Variants in COL4A2 observed in about 807,000 individuals in gnomAD.
The protein encoded by COL4A2 is collagen type IV alpha 2 chain.
In COL4A2, 99 loss-of-function variants were observed where a neutral mutation model predicts 200.2. That is an observed-to-expected ratio of 0.49 (90% CI 0.42 to 0.58). The LOEUF (loss-of-function observed/expected upper bound fraction) is 0.58. Among genes scored for constraint, COL4A2 ranks in the 20% least tolerant of loss-of-function variants. The probability of loss-of-function intolerance (pLI) is 0.00; values close to 1 mark genes in which losing one functional copy is unlikely to be tolerated. For synonymous variants in COL4A2, 897 were observed against 900.6 expected (o/e 1.00, Z 0.07); for missense variants, 1,950 against 2,314.1 (o/e 0.84, Z 3.23).
At chr13:110,389,488 C>G (rs1438656921) in intron 4 of COL4A2, among the ~76,000 whole-genome samples, 1 of 152,222 alleles carries the variant, frequency 6.6e-6, no homozygotes, top group South Asian at 2.1e-4. Context: ...ACCCTCACAG[C>G]TGGGGAGCCC....
intron 3 of COL4A2, among the ~76,000 whole-genome samples, chr13:110,349,784 GAC>G (rs1303054127): frequency 4.0e-5 from 6 of 150,496 alleles, no homozygotes; most frequent in African/African-American, 1.5e-4. Context: ...TTTTTATTGA[GAC>G]ACAGTCTCAC....
At chr13:110,429,991 G>C in intron 8 of COL4A2, 35 bp downstream of exon 8, 189 of 1,472,970 alleles carry the variant, frequency 1.3e-4, no homozygotes, top group African/African-American at 4.4e-4. Flanking sequence ...GTAATGAAGG[G>C]ACCCAGTGTA....
In COL4A2 at chr13:110,365,430, T is replaced by G. The variant is rs140943916; in HGVS notation, c.180+7878T>G. 8.9e-3 allele frequency among the ~76,000 whole-genome samples: 1,349 copies of G among 152,298 alleles called. 22 individuals are homozygous for G. The highest frequency in any genetic ancestry group is 0.044 in the South Asian group (210 of 4,818). On this transcript the variant is annotated intron_variant, in intron 4 of 47. Coordinates refer to ENST00000360467, the MANE Select transcript of COL4A2 (RefSeq NM_001846.4). ...TGCTGGGATTACAGGTGTGAGCCAC[T>G]GTTCCCGGCCTGGCATTTTCTTTAA... is the stretch of plus-strand genomic sequence containing the variant.
chr13:110,461,282 C>T lies in COL4A2; in HGVS notation c.1597-832C>T, dbSNP rs370833703. Among the ~76,000 whole-genome samples the T allele has an allele frequency of 5.3e-5, 8 of 152,320 alleles. No individual in the cohort carries two copies. The East Asian group carries it at 9.6e-4, about 18-fold the overall frequency. On this transcript the variant is annotated intron_variant, in intron 22 of 47. Coordinates refer to ENST00000360467, the MANE Select transcript of COL4A2 (RefSeq NM_001846.4). Reference sequence around the variant, plus strand: ...TGGATTAACCTGCTTGGCTCCTAAACGACTGTGTTTTAGAGGAAGCCACCT... The same window carrying T: ...TGGATTAACCTGCTTGGCTCCTAAATGACTGTGTTTTAGAGGAAGCCACCT...
intron 3 of COL4A2, among the ~76,000 whole-genome samples, chr13:110,351,020 G>GCT: frequency 6.6e-6 from 1 of 152,094 alleles, no homozygotes; most frequent in Middle Eastern, 3.4e-3. Context: ...TTTGCTACCT[G>GCT]CTCTCTCTCT....
intron 4 of COL4A2, among the ~76,000 whole-genome samples, chr13:110,415,589 A>ATAATGCT (rs1241174250): frequency 2.0e-5 from 3 of 152,144 alleles, no homozygotes; most frequent in Admixed American, 2.0e-4. Context: ...ATCGTAGCGG[A>ATAATGCT]ACCAACTCAA....
At chr13:110,452,711 T>C (rs1881587656) in intron 20 of COL4A2, among the ~76,000 whole-genome samples, 1 of 152,226 alleles carries the variant, frequency 6.6e-6, no homozygotes, top group East Asian at 1.9e-4. Flanking sequence ...GATATTTCCC[T>C]GGATCATGAA....
chr13:110,409,683 T>A (rs925051651), intron 4 of COL4A2, among the ~76,000 whole-genome samples: 3 of 152,248 alleles, frequency 2.0e-5, no homozygotes, highest in African/African-American at 7.2e-5. Flanking sequence ...TGTCACTTGG[T>A]TTCCTCTCAC....
intron 39 of COL4A2, 24 bp downstream of exon 39, chr13:110,493,306 G>A (rs779063780): frequency 2.9e-5 from 47 of 1,613,256 alleles, no homozygotes; most frequent in Middle Eastern, 3.3e-4. Context: ...TCCCAGCCCC[G>A]AGTCCCACGC....
chr13:110,468,146 C>A (rs1253121777), intron 27 of COL4A2: 1 of 471,194 alleles, frequency 2.1e-6, no homozygotes. Flanking sequence ...CGGACACATT[C>A]TATGTGCCCT....
rs374871266 is a variant in COL4A2 at position 110,462,208 on chromosome 13, C to T, written c.1669+22C>T. The stretch of plus-strand genomic sequence containing the variant: ...AAAGGTGAGTTCCTCTCTGGCCACG[C>T]GGCCCCTGGGGCACTGAGCCTTCCT... On this transcript the variant is annotated intron_variant, in intron 23 of 47. Transcript: ENST00000360467. 4.0e-5 allele frequency: 65 copies of T among 1,614,148 alleles called. No individual in the cohort carries two copies. In the African/African-American group the frequency reaches 6.4e-4, roughly 16 times the overall value.
At chr13:110,495,546 T>C (rs1883428806) in intron 40 of COL4A2, 79 bp downstream of exon 40, 8 of 1,538,916 alleles carry the variant, frequency 5.2e-6, no homozygotes, top group Non-Finnish European at 4.4e-6. Context: ...GGAGTGTCTA[T>C]GGGGTGGGAG....
At chr13:110,376,740 G>T (rs1878252785) in intron 4 of COL4A2, among the ~76,000 whole-genome samples, 1 of 152,084 alleles carries the variant, frequency 6.6e-6, no homozygotes, top group Non-Finnish European at 1.5e-5. Flanking sequence ...CAGTGACATG[G>T]TAGCTGCTGG....
chr13:110,438,466 C>T, intron 14 of COL4A2, 152 bp from the exon 15 acceptor site: 1 of 1,029,866 alleles, frequency 9.7e-7, no homozygotes, highest in Non-Finnish European at 1.5e-6. Context: ...GGACCGTGCC[C>T]TGCACTGCGC....
intron 4 of COL4A2, among the ~76,000 whole-genome samples, chr13:110,413,347 C>T (rs1879918968): frequency 6.6e-6 from 1 of 152,214 alleles, no homozygotes; most frequent in Non-Finnish European, 1.5e-5. Context: ...TGGTCCCTAC[C>T]TCCAAGGGCC....
Position 110,386,165 on chromosome 13 carries a change from G to A in COL4A2, c.180+28613G>A, listed in dbSNP as rs896048389. On this transcript the variant is annotated intron_variant, in intron 4 of 47. Coordinates refer to ENST00000360467, the MANE Select transcript of COL4A2 (RefSeq NM_001846.4). The stretch of plus-strand genomic sequence containing the variant: ...CTGTGGTTGCAGTTATGGGTAGACC[G>A]TGGTTACATTGTGTGACTAGATTGT... Among the ~76,000 whole-genome samples the A allele has an allele frequency of 3.7e-4, 57 of 152,336 alleles. 1 individual carries two copies. The highest frequency in any genetic ancestry group is 2.2e-3 in the Admixed American group (33 of 15,298).
At chr13:110,420,857 T>C (rs1443645962) in intron 4 of COL4A2, among the ~76,000 whole-genome samples, 1 of 152,198 alleles carries the variant, frequency 6.6e-6, no homozygotes, top group Non-Finnish European at 1.5e-5. Context: ...TAAATGTCCA[T>C]TTAATCCCAG....
chr13:110,351,153 A>G (rs887946224), intron 3 of COL4A2, among the ~76,000 whole-genome samples: 2 of 152,034 alleles, frequency 1.3e-5, no homozygotes, highest in African/African-American at 2.4e-5. Flanking sequence ...GGCTCAAGCC[A>G]TCTTCCCACC....
rs4512966 is a variant in COL4A2 at position 110,429,711 on chromosome 13, T to C, written c.478-174T>C. ...TGGGTCAATAGGAAATTAAAGGTCT[T>C]ACCCTTGTTGCTGAATATAGGGTTG... On this transcript the variant is annotated intron_variant, in intron 7 of 47. Coordinates refer to ENST00000360467, the MANE Select transcript of COL4A2 (RefSeq NM_001846.4). Among the ~76,000 whole-genome samples, 77,314 of 152,082 alleles carry C rather than the reference T, an allele frequency of 0.51. 19,911 individuals are homozygous for C. The highest frequency in any genetic ancestry group is 0.57 in the African/African-American group (23,655 of 41,488).
Sources: allele counts gnomAD v4.1 joint callset (sites outside exome capture counted in the v4.1 genomes callset), GRCh38; gene constraint gnomAD v4.1.1; transcripts MANE v1.5; gene names NCBI Gene and HGNC (gene_info 2026-07-23, HGNC 2026-07-21).